Variants in TMEM108 observed in about 807,000 individuals in gnomAD.
TMEM108 encodes transmembrane protein 108.
TMEM108 carries 12 observed loss-of-function variants against 35.1 expected under a neutral mutation model. The observed-to-expected ratio is 0.34, with a 90% CI of 0.22 to 0.55. TMEM108 has a LOEUF of 0.55. Ranked by LOEUF, TMEM108 falls within the 20% of genes least tolerant of loss-of-function variation. TMEM108 has a pLI of 0.89. For synonymous variants in TMEM108, 287 were observed against 308.6 expected (o/e 0.93, Z 0.73); for missense variants, 680 against 753.3 (o/e 0.90, Z 1.14).
chr3:133,129,298 T>C (rs945063575), intron 2 of TMEM108, among the ~76,000 whole-genome samples: 1 of 150,122 alleles, frequency 6.7e-6, no homozygotes, highest in African/African-American at 2.5e-5. Flanking sequence ...AGCATCGAGA[T>C]CGTACCACTG....
rs4017412 is a variant in TMEM108, at chr3:133,156,064, TTTTATTTA to T, written c.-46-73183_-46-73176del. Among the ~76,000 whole-genome samples the T allele has an allele frequency of 8.2e-5, 12 of 146,180 alleles. No homozygotes were observed. In the South Asian group the frequency reaches 8.6e-4, roughly 11 times the overall value. On this transcript the variant is annotated intron_variant, in intron 2 of 5. Transcript: ENST00000321871. ...GTTTCAATCTTGTTTTTATTTTTTC[TTTTATTTA>T]TTTATTTATTTATTTATTCTTTTTG...
chr3:133,117,453 T>G (rs1318637987), intron 2 of TMEM108, among the ~76,000 whole-genome samples: 1 of 152,224 alleles, frequency 6.6e-6, no homozygotes, highest in Admixed American at 6.5e-5. Flanking sequence ...CAAGTCTATC[T>G]AGGCTTCTTA....
At chr3:133,235,987 G>A (rs1318217872) in intron 3 of TMEM108, among the ~76,000 whole-genome samples, 1 of 152,126 alleles carries the variant, frequency 6.6e-6, no homozygotes, top group Admixed American at 6.5e-5. Context: ...TGTGGTGTTT[G>A]CTTGGGTACT....
intron 2 of TMEM108, among the ~76,000 whole-genome samples, chr3:133,180,583 C>G (rs1011039062): frequency 6.6e-6 from 1 of 151,990 alleles, no homozygotes; most frequent in South Asian, 2.1e-4. Context: ...AACCTTTCCC[C>G]AAACTAATTC....
At chr3:133,043,991 T>A (rs895405843) in intron 1 of TMEM108, among the ~76,000 whole-genome samples, 1 of 152,220 alleles carries the variant, frequency 6.6e-6, no homozygotes, top group Non-Finnish European at 1.5e-5. Context: ...AACATTTGCT[T>A]GAAAATCTCT....
intron 3 of TMEM108, among the ~76,000 whole-genome samples, chr3:133,302,738 T>C (rs1299173850): frequency 6.6e-6 from 1 of 152,148 alleles, no homozygotes; most frequent in Non-Finnish European, 1.5e-5. Context: ...TTGAATTTTC[T>C]ATTCTAATCT....
chr3:133,065,284 CCACACA>C (rs57783382), intron 2 of TMEM108, among the ~76,000 whole-genome samples: 9 of 149,942 alleles, frequency 6.0e-5, no homozygotes, highest in Non-Finnish European at 8.9e-5. Flanking sequence ...ACATAGGTAG[CCACACA>C]CACACACACA....
intron 3 of TMEM108, among the ~76,000 whole-genome samples, chr3:133,265,106 G>C (rs1946678284): frequency 6.6e-6 from 1 of 152,174 alleles, no homozygotes. Flanking sequence ...CTCACTGCTG[G>C]TCATTCTGAA....
chr3:133,175,404 G>A (rs1303052255), intron 2 of TMEM108, among the ~76,000 whole-genome samples: 1 of 152,192 alleles, frequency 6.6e-6, no homozygotes, highest in Non-Finnish European at 1.5e-5. Flanking sequence ...GGGAAAAAAT[G>A]TTGAGGGCAG....
intron 4 of TMEM108, among the ~76,000 whole-genome samples, chr3:133,383,542 C>T (rs1284836326): frequency 6.6e-6 from 1 of 152,204 alleles, no homozygotes; most frequent in East Asian, 1.9e-4. Context: ...GCTACACCCA[C>T]CTGGATTTTG....
chr3:133,363,872 AT>A (rs1176462131), intron 3 of TMEM108, among the ~76,000 whole-genome samples: 1 of 152,240 alleles, frequency 6.6e-6, no homozygotes, highest in Non-Finnish European at 1.5e-5. Flanking sequence ...ACAAAAATTA[AT>A]GGAATATTCT....
chr3:133,333,355 C>T (rs1406258489), intron 3 of TMEM108, among the ~76,000 whole-genome samples: 1 of 142,288 alleles, frequency 7.0e-6, no homozygotes, highest in Non-Finnish European at 1.6e-5. Context: ...CTTATCCATT[C>T]CCTGGCCCCT....
At chr3:133,383,833 C>T (rs957972854) in intron 4 of TMEM108, among the ~76,000 whole-genome samples, 2 of 152,152 alleles carry the variant, frequency 1.3e-5, no homozygotes, top group East Asian at 1.9e-4. Flanking sequence ...CCTTGGGAAC[C>T]GCACACCCCA....
At chr3:133,174,830 G>C (rs1945187110) in intron 2 of TMEM108, among the ~76,000 whole-genome samples, 1 of 152,210 alleles carries the variant, frequency 6.6e-6, no homozygotes. Flanking sequence ...GATGGAGAAT[G>C]ACTTTGATGA....
At chr3:133,211,548 G>T (rs1287106578) in intron 2 of TMEM108, among the ~76,000 whole-genome samples, 1 of 152,128 alleles carries the variant, frequency 6.6e-6, no homozygotes, top group Non-Finnish European at 1.5e-5. Context: ...ACCATAAAAA[G>T]GGAAGTATGA....
rs1251599820 is a variant in TMEM108, at chr3:133,346,196, T to C, written c.41-33556T>C. ...ATCATACAGTAAGACTATGATTAAC[T>C]TTGTAAGAAACTGCCAAACTTTCTT... On this transcript the variant is annotated intron_variant, in intron 3 of 5. Coordinates refer to ENST00000321871, the MANE Select transcript of TMEM108 (RefSeq NM_023943.4). This position sits in a 1 kb window ranked among gnomAD's most constrained non-coding sequence, Gnocchi z 4.0. Among the ~76,000 whole-genome samples the C allele has an allele frequency of 6.6e-6, 1 of 152,018 alleles. No homozygotes were observed. The highest frequency in any genetic ancestry group is 1.5e-5 in the Non-Finnish European group (1 of 67,884).
In TMEM108 at chr3:133,084,122, T is replaced by TA. The variant is rs5852728; in HGVS notation, c.-47+38113dup. Reference sequence around the variant, plus strand: ...TTTTCAACCATTCTTTTTCTTGAATTAAAAAAAAAAACAGTGATTAGGAAA... The same window carrying TA: ...TTTTCAACCATTCTTTTTCTTGAATTAAAAAAAAAAAACAGTGATTAGGAAA... On this transcript the variant is annotated intron_variant, in intron 2 of 5. Transcript: ENST00000321871. 2.5e-3 allele frequency among the ~76,000 whole-genome samples: 380 copies of TA among 149,742 alleles called. 2 individuals carry two copies. The highest frequency in any genetic ancestry group is 0.015 in the South Asian group (71 of 4,752).
intron 2 of TMEM108, among the ~76,000 whole-genome samples, chr3:133,178,517 C>T (rs368313649): frequency 0.059 from 8,844 of 149,306 alleles, 310 homozygotes; most frequent in Non-Finnish European, 0.08. Flanking sequence ...TATCTACAAC[C>T]ATCTGATCTT....
At chr3:133,285,704 G>A (rs576622434) in intron 3 of TMEM108, among the ~76,000 whole-genome samples, 6 of 152,200 alleles carry the variant, frequency 3.9e-5, no homozygotes, top group Admixed American at 1.3e-4. Context: ...GCCTAATCCC[G>A]ATCCCCTAGT....
Sources: gnomAD v4.1 joint callset for allele counts (sites outside exome capture counted in the v4.1 genomes callset) on GRCh38, gnomAD v4.1.1 for gene constraint, Gnocchi (gnomAD v3.1) non-coding constraint, MANE v1.5 for transcripts, NCBI Gene and HGNC (gene_info 2026-07-23, HGNC 2026-07-21) for gene names.